SGCZ: variants seen among roughly 807,000 people sequenced by gnomAD.
The protein encoded by SGCZ is zeta-sarcoglycan.
SGCZ carries 40 observed loss-of-function variants against 41.3 expected under a neutral mutation model. That is an observed-to-expected ratio of 0.97 (90% CI 0.75 to 1.26). SGCZ has a LOEUF of 1.26. Among genes scored for constraint, SGCZ ranks in the 50% most tolerant of loss-of-function variants. SGCZ has a pLI of 0.00. For synonymous variants in SGCZ, 206 were observed against 137.5 expected (o/e 1.50, Z -3.49); for missense variants, 552 against 369.8 (o/e 1.49, Z -4.04).
At chr8:15,062,473 C>T (rs192281190) in intron 1 of SGCZ, among the ~76,000 whole-genome samples, 12 of 152,216 alleles carry the variant, frequency 7.9e-5, no homozygotes, top group South Asian at 4.1e-4. Context: ...TATGCAATAA[C>T]GATATTTAGG....
At chr8:14,659,847 A>G (rs1449213403) in intron 1 of SGCZ, among the ~76,000 whole-genome samples, 2 of 152,210 alleles carry the variant, frequency 1.3e-5, no homozygotes, top group African/African-American at 4.8e-5. Context: ...TCAAGTCAGG[A>G]TGAGATCATA....
chr8:14,774,105 T>G (rs1800329960), intron 1 of SGCZ, among the ~76,000 whole-genome samples: 1 of 152,132 alleles, frequency 6.6e-6, no homozygotes. Context: ...TCACTGGATT[T>G]TGAGTAAAGC....
intron 4 of SGCZ, among the ~76,000 whole-genome samples, chr8:14,190,426 T>C (rs897238784): frequency 6.6e-6 from 1 of 152,020 alleles, no homozygotes; most frequent in Non-Finnish European, 1.5e-5. Flanking sequence ...TATCACACTT[T>C]CATTATTGAT....
At position 14,089,384 on chromosome 8, in the gene SGCZ, A is replaced by C. The variant is rs1678647541; in HGVS notation, c.*1059T>G. On this transcript the variant is annotated 3_prime_UTR_variant, in exon 8 of 8. Coordinates refer to ENST00000382080, the MANE Select transcript of SGCZ (RefSeq NM_139167.4). Reference sequence around the variant, plus strand: ...ACTTCTTTAAATCTTAACCTCCAATAAAAAATAGATGGAGAATAATTCTGA... The same window carrying C: ...ACTTCTTTAAATCTTAACCTCCAATCAAAAATAGATGGAGAATAATTCTGA... 6.6e-6 allele frequency among the ~76,000 whole-genome samples: 1 copy of C among 152,032 alleles called. No homozygotes were observed. The highest frequency in any genetic ancestry group is 2.4e-5 in the African/African-American group (1 of 41,430).
At position 14,660,571 on chromosome 8, in the gene SGCZ, C is replaced by CAAAAA. The variant is rs71304960; in HGVS notation, c.40-105650_40-105646dup. Among the ~76,000 whole-genome samples, 328 of 66,902 alleles carry CAAAAA rather than the reference C, an allele frequency of 4.9e-3. 6 individuals carry two copies. Among genetic ancestry groups the CAAAAA allele is most frequent in the African/African-American group, 0.014 (289 of 20,558 alleles). The allele number at this position is 66,902 out of a possible 152,430, so 43.9% of individuals were successfully genotyped here. On this transcript the variant is annotated intron_variant, in intron 1 of 7. Transcript: ENST00000382080. ...GGGCAACAGAGCAAAAACTCCATCT[C>CAAAAA]AAAAAAAAAAAAAAAAAAAGAGAGA... is the stretch of plus-strand genomic sequence containing the variant.
At chr8:15,015,627 G>C (rs577325285) in intron 1 of SGCZ, among the ~76,000 whole-genome samples, 2 of 143,980 alleles carry the variant, frequency 1.4e-5, no homozygotes, top group Admixed American at 7.3e-5. Context: ...GGCAGAGCTT[G>C]CAGTGAGCCG....
intron 1 of SGCZ, among the ~76,000 whole-genome samples, chr8:15,121,973 G>A (rs7844593): frequency 0.76 from 114,536 of 150,818 alleles, 44,903 homozygotes; most frequent in Non-Finnish European, 0.85. Flanking sequence ...GAAGCGAAAG[G>A]TATATTGATG....
At chr8:14,578,440 C>G (rs1423433604) in intron 1 of SGCZ, among the ~76,000 whole-genome samples, 3 of 152,166 alleles carry the variant, frequency 2.0e-5, no homozygotes, top group Non-Finnish European at 2.9e-5. Context: ...TGGTTCATGG[C>G]TGCAATGTAG....
intron 1 of SGCZ, among the ~76,000 whole-genome samples, chr8:14,986,554 G>T (rs897377661): frequency 6.6e-6 from 1 of 151,934 alleles, no homozygotes; most frequent in African/African-American, 2.4e-5. Flanking sequence ...ATTTCCTTTC[G>T]AACAGGTAGA....
At chr8:15,091,184 C>T (rs1563120169) in intron 1 of SGCZ, among the ~76,000 whole-genome samples, 1 of 152,002 alleles carries the variant, frequency 6.6e-6, no homozygotes, top group East Asian at 1.9e-4. Flanking sequence ...TGTAAACAAA[C>T]TTTTATTTAT....
chr8:14,636,157 T>C (rs1017730373), intron 1 of SGCZ, among the ~76,000 whole-genome samples: 2 of 151,802 alleles, frequency 1.3e-5, no homozygotes, highest in African/African-American at 2.4e-5. Flanking sequence ...GGGTGCATAA[T>C]AGAGGATGAG....
chr8:15,214,175 T>C (rs1028287158), intron 1 of SGCZ, among the ~76,000 whole-genome samples: 4 of 152,060 alleles, frequency 2.6e-5, no homozygotes, highest in Non-Finnish European at 5.9e-5. Flanking sequence ...AAAAGTGGCA[T>C]TGAAATATTT....
At chr8:14,492,694 T>G (rs1271041279) in intron 2 of SGCZ, among the ~76,000 whole-genome samples, 1 of 152,164 alleles carries the variant, frequency 6.6e-6, no homozygotes, top group African/African-American at 2.4e-5. Context: ...CTTCTGTGCC[T>G]CAAGGCTCAA....
At chr8:14,877,188 G>A (rs867256002) in intron 1 of SGCZ, among the ~76,000 whole-genome samples, 3 of 151,900 alleles carry the variant, frequency 2.0e-5, no homozygotes, top group South Asian at 2.1e-4. Flanking sequence ...TGGCGTGGAG[G>A]GTCTTGATCT....
rs34307530 is a variant in SGCZ, at chr8:14,823,055, T to TAAAAAAAAAAAAA, written c.40-268142_40-268130dup. 9.5e-3 allele frequency among the ~76,000 whole-genome samples: 719 copies of TAAAAAAAAAAAAA among 75,402 alleles called. 36 individuals carry two copies. The highest frequency in any genetic ancestry group is 0.04 in the East Asian group (85 of 2,108). The allele number at this position is 75,402 out of a possible 152,430, so 49.5% of individuals were successfully genotyped here. ...GGCAATGAAGCCACACCAATCCTCA[T>TAAAAAAAAAAAAA]AAAAAAAAAAAAAAAAAAAAAAGAC... is the stretch of plus-strand genomic sequence containing the variant. On this transcript the variant is annotated intron_variant, in intron 1 of 7. Coordinates refer to ENST00000382080, the MANE Select transcript of SGCZ (RefSeq NM_139167.4).
At chr8:14,860,877 A>T (rs1389431047) in intron 1 of SGCZ, among the ~76,000 whole-genome samples, 1 of 152,140 alleles carries the variant, frequency 6.6e-6, no homozygotes, top group East Asian at 1.9e-4. Flanking sequence ...CAATGTTTCC[A>T]TTTTAAAATT....
At chr8:14,471,595 G>A (rs976412134) in intron 2 of SGCZ, among the ~76,000 whole-genome samples, 22 of 151,800 alleles carry the variant, frequency 1.4e-4, no homozygotes, top group African/African-American at 4.8e-4. Flanking sequence ...ATTATTCAAC[G>A]TATCCTATAA....
At chr8:14,783,069 A>G (rs1052872233) in intron 1 of SGCZ, among the ~76,000 whole-genome samples, 2 of 152,180 alleles carry the variant, frequency 1.3e-5, no homozygotes, top group African/African-American at 4.8e-5. Context: ...TTCTTTACCC[A>G]TGAGATTTGG....
intron 5 of SGCZ, chr8:14,161,317 T>C (rs543998867): frequency 6.6e-6 from 1 of 152,208 alleles, no homozygotes; most frequent in Admixed American, 6.5e-5. Flanking sequence ...CGGGAAAGCA[T>C]GAAGCTGTTA....
Sources: allele counts gnomAD v4.1 joint callset (sites outside exome capture counted in the v4.1 genomes callset), GRCh38; gene constraint gnomAD v4.1.1; transcripts MANE v1.5; gene names NCBI Gene and HGNC (gene_info 2026-07-23, HGNC 2026-07-21).